SYNPR: variants seen among roughly 807,000 people sequenced by gnomAD.
The protein encoded by SYNPR is synaptoporin.
A neutral mutation model predicts 32.9 loss-of-function variants in SYNPR; 23 were observed. The ratio of observed to expected loss-of-function variants is 0.70; its 90% confidence interval spans 0.50 to 0.99. SYNPR has a LOEUF of 0.99. SYNPR is among the 50% of genes least tolerant of loss of function. SYNPR has a pLI of 0.00. For missense variants in SYNPR, 318 were observed against 349.3 expected (o/e 0.91, Z 0.71); for synonymous variants, 146 against 135.9 (o/e 1.07, Z -0.52).
At chr3:63,610,010 C>G (rs566971451) in intron 5 of SYNPR, among the ~76,000 whole-genome samples, 1 of 152,156 alleles carries the variant, frequency 6.6e-6, no homozygotes, top group South Asian at 2.1e-4. Context: ...AAACACTGTT[C>G]AAGCCACATG....
At chr3:63,453,785 C>T (rs1700427173) in intron 2 of SYNPR, among the ~76,000 whole-genome samples, 1 of 152,108 alleles carries the variant, frequency 6.6e-6, no homozygotes, top group East Asian at 1.9e-4. Flanking sequence ...AGCAAATTCT[C>T]ACCATTCAGG....
intron 2 of SYNPR, among the ~76,000 whole-genome samples, chr3:63,374,293 G>A (rs1180905151): frequency 1.0e-5 from 1 of 98,564 alleles, no homozygotes; most frequent in East Asian, 4.9e-4. Flanking sequence ...CATCTATTGA[G>A]ATAATTATGT....
intron 4 of SYNPR, among the ~76,000 whole-genome samples, chr3:63,571,039 T>G (rs1559539727): frequency 6.6e-6 from 1 of 152,208 alleles, no homozygotes. Flanking sequence ...GTACCCATCA[T>G]GACTGTTACA....
At position 63,486,683 on chromosome 3, in the gene SYNPR, G is replaced by A. The variant is rs1021626242; in HGVS notation, c.209+5727G>A. 4.6e-5 allele frequency among the ~76,000 whole-genome samples: 7 copies of A among 152,168 alleles called. No homozygotes were observed. In the East Asian group the frequency reaches 5.8e-4, roughly 13 times the overall value. On this transcript the variant is annotated intron_variant, in intron 3 of 5. Transcript: ENST00000478300. ...TGATCAACTGCTTGATTGATCAATCGATAGAGTAAATCCCTACTTCTTCTC... is the reference window on the plus strand; with the variant it reads ...TGATCAACTGCTTGATTGATCAATCAATAGAGTAAATCCCTACTTCTTCTC...
intron 1 of SYNPR, among the ~76,000 whole-genome samples, chr3:63,247,576 T>C (rs2086301867): frequency 6.6e-6 from 1 of 152,074 alleles, no homozygotes; most frequent in Non-Finnish European, 1.5e-5. Flanking sequence ...GCCCAGTGTA[T>C]GTATACCTGA....
At chr3:63,526,768 T>C (rs1213688848) in intron 3 of SYNPR, among the ~76,000 whole-genome samples, 1 of 152,150 alleles carries the variant, frequency 6.6e-6, no homozygotes, top group African/African-American at 2.4e-5. Flanking sequence ...GAAGCAGGTC[T>C]GGAAACAAAG....
At chr3:63,546,859 T>G (rs1238489977) in intron 3 of SYNPR, among the ~76,000 whole-genome samples, 1 of 152,108 alleles carries the variant, frequency 6.6e-6, no homozygotes, top group African/African-American at 2.4e-5. Flanking sequence ...AAGAAAATAT[T>G]TTTAGCACGT....
At chr3:63,413,432 G>T (rs887213602) in intron 2 of SYNPR, among the ~76,000 whole-genome samples, 3 of 152,144 alleles carry the variant, frequency 2.0e-5, no homozygotes, top group Non-Finnish European at 4.4e-5. Flanking sequence ...AATTGAGAAA[G>T]AATTCTAAAA....
intron 4 of SYNPR, among the ~76,000 whole-genome samples, chr3:63,595,747 A>AATTT (rs1483225622): frequency 2.1e-5 from 1 of 47,400 alleles, no homozygotes; most frequent in Non-Finnish European, 3.2e-5. Flanking sequence ...ATATATATAT[A>AATTT]TATATATATA....
At chr3:63,321,289 A>G (rs974895470) in intron 2 of SYNPR, among the ~76,000 whole-genome samples, 12 of 152,080 alleles carry the variant, frequency 7.9e-5, no homozygotes, top group Non-Finnish European at 1.5e-4. Flanking sequence ...TCATCTTAGT[A>G]TAAGAGTAAA....
intron 2 of SYNPR, among the ~76,000 whole-genome samples, chr3:63,381,393 G>A (rs1321172190): frequency 5.9e-5 from 9 of 152,222 alleles, no homozygotes; most frequent in African/African-American, 1.4e-4. Flanking sequence ...ACTGCTCAAC[G>A]AAATAAAAGA....
In SYNPR at chr3:63,602,263, A is replaced by C. The variant is rs192605212; in HGVS notation, c.409-6862A>C. ...GATATTAGACTTTTGACAGATGCAC[A>C]GTCTGCAAATATTTTCTCCCATTTT... On this transcript the variant is annotated intron_variant, in intron 4 of 5. Transcript: ENST00000478300. 6.6e-5 allele frequency among the ~76,000 whole-genome samples: 10 copies of C among 152,278 alleles called. No homozygotes were observed. In the East Asian group the frequency reaches 1.9e-3, roughly 29 times the overall value.
At chr3:63,474,923 C>A (rs1700871266) in intron 2 of SYNPR, among the ~76,000 whole-genome samples, 1 of 152,136 alleles carries the variant, frequency 6.6e-6, no homozygotes, top group Non-Finnish European at 1.5e-5. Context: ...ATTTTCTGTC[C>A]TCCTCCAACC....
intron 2 of SYNPR, among the ~76,000 whole-genome samples, chr3:63,454,510 G>A (rs770427028): frequency 2.2e-4 from 33 of 152,226 alleles, no homozygotes; most frequent in Non-Finnish European, 3.8e-4. Context: ...ATAGCCCCAT[G>A]AAACAAACAG....
chr3:63,450,017 A>T (rs1700349932), intron 2 of SYNPR, among the ~76,000 whole-genome samples: 1 of 152,152 alleles, frequency 6.6e-6, no homozygotes, highest in Non-Finnish European at 1.5e-5. Flanking sequence ...ATGGGGAAAA[A>T]GGTAAGCAGA....
At chr3:63,425,233 T>A (rs1699871623) in intron 2 of SYNPR, among the ~76,000 whole-genome samples, 1 of 152,118 alleles carries the variant, frequency 6.6e-6, no homozygotes, top group South Asian at 2.1e-4. Flanking sequence ...GAGCAAATAT[T>A]CATGTGCAAA....
intron 2 of SYNPR, among the ~76,000 whole-genome samples, chr3:63,355,232 T>C (rs549860513): frequency 6.7e-6 from 1 of 148,616 alleles, no homozygotes; most frequent in African/African-American, 2.5e-5. Context: ...TGAGCCAAGA[T>C]CATGCCACTG....
chr3:63,420,941 C>T (rs953062637), intron 2 of SYNPR, among the ~76,000 whole-genome samples: 1 of 152,072 alleles, frequency 6.6e-6, no homozygotes, highest in Non-Finnish European at 1.5e-5. Context: ...AGTGCAGTGG[C>T]GTGATCATGG....
At chr3:63,251,607 C>T (rs1024560658) in intron 1 of SYNPR, among the ~76,000 whole-genome samples, 7 of 152,088 alleles carry the variant, frequency 4.6e-5, no homozygotes, top group Non-Finnish European at 8.8e-5. Context: ...TCCAGCATGG[C>T]AGAGTAATTC....
Sources: gnomAD v4.1 joint callset for allele counts (sites outside exome capture counted in the v4.1 genomes callset) on GRCh38, gnomAD v4.1.1 for gene constraint, MANE v1.5 for transcripts, NCBI Gene and HGNC (gene_info 2026-07-23, HGNC 2026-07-21) for gene names.